The following ATG13 variants were observed in gnomAD, a reference collection of about 807,000 sequenced individuals.
ATG13 encodes the protein autophagy related 13.
ATG13 carries 23 observed loss-of-function variants against 65.5 expected under a neutral mutation model. The observed-to-expected ratio is 0.35, with a 90% CI of 0.25 to 0.50. The LOEUF (loss-of-function observed/expected upper bound fraction) is 0.50, where lower values mean the gene tolerates loss of function less well. Ranked by LOEUF, ATG13 falls within the 20% of genes least tolerant of loss-of-function variation. ATG13 has a pLI of 0.98. For missense variants in ATG13, 566 were observed against 677.0 expected (o/e 0.84, Z 1.82); for synonymous variants, 252 against 245.2 (o/e 1.03, Z -0.26).
rs374790345 is a variant in ATG13 at position 46,669,504 on chromosome 11, T to A, written c.1547T>A (p.Ile516Asn). Residue 516 changes from isoleucine to asparagine, a missense_variant, in exon 18 of 19, where the codon ATT (isoleucine) becomes AAT (asparagine). Physicochemically the swap from Ile to Asn is moderately radical, Grantham distance 149. This residue lies in a region of ATG13 where 387 missense variants were observed against 409.8 expected (regional missense o/e 0.94). Coordinates refer to ENST00000683050, the MANE Select transcript of ATG13 (RefSeq NM_001346311.2). Reference protein sequence around the residue: ...PPQLSSLSIDIGAQSMAEDLD... With the variant: ...PPQLSSLSIDNGAQSMAEDLD... ...CAGCTGAGCAGCCTCTCCATAGATA[T>A]TGGAGCACAGTCCATGGCTGAAGAC... 6.2e-7 allele frequency: 1 copy of A among 1,613,970 alleles called. No homozygotes were observed. Among genetic ancestry groups the A allele is most frequent in the Non-Finnish European group, 8.5e-7 (1 of 1,179,976 alleles).
At position 46,673,891 on chromosome 11, in the gene ATG13, T is replaced by G. The variant is rs1380904392; in HGVS notation, c.*1559T>G. The G allele has an allele frequency of 6.6e-6, 1 of 152,182 alleles. No homozygotes were observed. The allele number at this position is 152,182 out of a possible 1,614,324, so 9.4% of individuals were successfully genotyped here. ...CTCAGCTGCTTGTTAGTATACTGCATGTGACACTGTTCCCACATACAAGGC... is the reference window on the plus strand; with the variant it reads ...CTCAGCTGCTTGTTAGTATACTGCAGGTGACACTGTTCCCACATACAAGGC... On this transcript the variant is annotated 3_prime_UTR_variant, in exon 19 of 19. Transcript: ENST00000683050.
rs1565397622 is a variant in ATG13, at chr11:46,622,096, TA to T, written c.-70+4207del. ...ATTTACATATATATATATATATATATATATATATATATATATATATATATAT... is the reference window on the plus strand; with the variant it reads ...ATTTACATATATATATATATATATATTATATATATATATATATATATATAT... On this transcript the variant is annotated intron_variant, in intron 1 of 18. Coordinates refer to ENST00000683050, the MANE Select transcript of ATG13 (RefSeq NM_001346311.2). Among the ~76,000 whole-genome samples, 7 of 58,932 alleles carry T rather than the reference TA, an allele frequency of 1.2e-4. 1 individual carries two copies. The highest frequency in any genetic ancestry group is 6.2e-4 in the African/African-American group (7 of 11,362). The allele number at this position is 58,932 out of a possible 152,430, so 38.7% of individuals were successfully genotyped here.
chr11:46,621,677 C>G (rs1419605004), intron 1 of ATG13, among the ~76,000 whole-genome samples: 1 of 152,116 alleles, frequency 6.6e-6, no homozygotes, highest in African/African-American at 2.4e-5. Context: ...TGGCAAACCT[C>G]TTTGTGGCTT....
intron 1 of ATG13, among the ~76,000 whole-genome samples, chr11:46,627,249 G>T (rs1301089153): frequency 6.6e-6 from 1 of 152,022 alleles, no homozygotes; most frequent in Non-Finnish European, 1.5e-5. Flanking sequence ...CATGATGGCA[G>T]GTGCCTGTAA....
At position 46,650,259 on chromosome 11, in the gene ATG13, G is replaced by T; in HGVS notation, c.400G>T (p.Val134Leu). 2 of 1,614,030 alleles carry T rather than the reference G, an allele frequency of 1.2e-6. No individual in the cohort carries two copies. The highest frequency in any genetic ancestry group is 1.7e-6 in the Non-Finnish European group (2 of 1,180,000). ...LLKSLLAITR[V>L]TPAYRLSRKQ... ...GAAGTCCCTTCTTGCTATAACTAGG[G>T]TGACACCAGCCTATAGGCTCTCCAG... Residue 134 changes from valine (V) to leucine (L), a missense_variant, in exon 7 of 19, where the codon GTG (valine) becomes TTG (leucine). Val to Leu is a conservative substitution (Grantham distance 32, BLOSUM62 1). Coordinates refer to ENST00000683050, the MANE Select transcript of ATG13 (RefSeq NM_001346311.2).
At chr11:46,629,392 T>C (rs1226626723) in intron 1 of ATG13, among the ~76,000 whole-genome samples, 1 of 152,196 alleles carries the variant, frequency 6.6e-6, no homozygotes, top group African/African-American at 2.4e-5. Flanking sequence ...AGGAGGTTTT[T>C]GTTTTTGTTT....
At chr11:46,620,026 CAA>C (rs760281512) in intron 1 of ATG13, among the ~76,000 whole-genome samples, 205 of 100,930 alleles carry the variant, frequency 2.0e-3, no homozygotes, top group African/African-American at 4.3e-3. Flanking sequence ...CCCTCTGTCT[CAA>C]AAAAAAAAAA....
At chr11:46,669,290 C>T in intron 17 of ATG13, 114 bp from the exon 18 acceptor site, 1 of 1,326,042 alleles carries the variant, frequency 7.5e-7, no homozygotes, top group Admixed American at 2.0e-5. Context: ...GATTTCTCTC[C>T]CTAAGATAAG....
chr11:46,658,533 C>A lies in ATG13; in HGVS notation c.696-859C>A, dbSNP rs181950009. On this transcript the variant is annotated intron_variant, in intron 10 of 18. Transcript: ENST00000683050. ...CAATGTGGTGAAACACTGTTTCTAC[C>A]AATTTTTTTTTTTTTTTTTGAGACG... 4.2e-3 allele frequency among the ~76,000 whole-genome samples: 639 copies of A among 151,276 alleles called. 4 individuals are homozygous for A. The highest frequency in any genetic ancestry group is 0.013 in the African/African-American group (530 of 41,258).
chr11:46,672,820 C>G lies in ATG13; in HGVS notation c.*488C>G, dbSNP rs1048782201. ...GGAAGAAGGAAGGAGTCCCTTAGCTCTCTTCATTGTCCCCTTTACTTCCTG... is the reference window on the plus strand; with the variant it reads ...GGAAGAAGGAAGGAGTCCCTTAGCTGTCTTCATTGTCCCCTTTACTTCCTG... On this transcript the variant is annotated 3_prime_UTR_variant, in exon 19 of 19. Transcript: ENST00000683050. The G allele has an allele frequency of 1.6e-6, 2 of 1,284,140 alleles. No homozygotes were observed. Among genetic ancestry groups the G allele is most frequent in the African/African-American group, 1.5e-5 (1 of 66,120 alleles). The allele number at this position is 1,284,140 out of a possible 1,614,324, so 79.5% of individuals were successfully genotyped here.
intron 18 of ATG13, among the ~76,000 whole-genome samples, chr11:46,670,887 C>G (rs76745197): frequency 0.019 from 2,842 of 152,214 alleles, 96 homozygotes; most frequent in African/African-American, 0.065. Flanking sequence ...TTACATGAAT[C>G]TTCAACAGCC....
At chr11:46,622,583 C>T (rs1453453739) in intron 1 of ATG13, among the ~76,000 whole-genome samples, 1 of 152,142 alleles carries the variant, frequency 6.6e-6, no homozygotes, top group Admixed American at 6.6e-5. Context: ...AGTCCATTTT[C>T]TCTGTACATT....
chr11:46,671,790 C>CT (rs2063791122), intron 18 of ATG13, among the ~76,000 whole-genome samples: 1 of 152,190 alleles, frequency 6.6e-6, no homozygotes, highest in African/African-American at 2.4e-5. Context: ...CACAGACCTG[C>CT]TACTGTGTCA....
In ATG13 at chr11:46,664,883, C is replaced by T; in HGVS notation, c.923C>T (p.Ala308Val). 6.2e-7 allele frequency: 1 copy of T among 1,614,024 alleles called. No homozygotes were observed. The highest frequency in any genetic ancestry group is 8.5e-7 in the Non-Finnish European group (1 of 1,179,880). ...TCTCGCCTTTCCTATCAGCCTGCTG[C>T]CCTGGGCGTTGGATCAGCTGACCTG... The part of the protein sequence containing the change: ...SSSRLSYQPA[A>V]LGVGSADLAY... The change falls in exon 13 of 19, where the codon GCC (alanine) becomes GTC (valine). Residue 308 changes from alanine to valine, a missense_variant. Physicochemically the swap from Ala to Val is moderately conservative, Grantham distance 64. Coordinates refer to ENST00000683050, the MANE Select transcript of ATG13 (RefSeq NM_001346311.2).
chr11:46,635,118 G>A (rs1460394174), intron 2 of ATG13, among the ~76,000 whole-genome samples: 1 of 149,920 alleles, frequency 6.7e-6, no homozygotes, highest in Non-Finnish European at 1.5e-5. Flanking sequence ...AGCGATTCTC[G>A]TGCCTCAGCC....
chr11:46,657,197 G>T lies in ATG13; in HGVS notation c.596+6G>T. On this transcript the variant is annotated splice_donor_region_variant and intron_variant, in intron 9 of 18. Coordinates refer to ENST00000683050, the MANE Select transcript of ATG13 (RefSeq NM_001346311.2). ...TTGGCATTCATGTCTACCAGGTGAG[G>T]AAGAGCCCTGGAATCCAAAAGAACT... 1.2e-6 allele frequency: 2 copies of T among 1,607,820 alleles called. No homozygotes were observed. Among genetic ancestry groups the T allele is most frequent in the Non-Finnish European group, 1.7e-6 (2 of 1,174,638 alleles).
rs2063019576 is a variant in ATG13, at chr11:46,668,815, G to A, written c.1351G>A (p.Glu451Lys). 1 of 1,613,592 alleles carries A rather than the reference G, an allele frequency of 6.2e-7. No individual in the cohort carries two copies. The highest frequency in any genetic ancestry group is 1.7e-5 in the Admixed American group (1 of 60,002). Reference sequence around the variant, plus strand: ...ACAGGTGAATCCTCCAGATTCCCCAGAGACTGAATCTCCTCTCCAGGGCAG... The same window carrying A: ...ACAGGTGAATCCTCCAGATTCCCCAAAGACTGAATCTCCTCTCCAGGGCAG... The part of the protein sequence containing the change: ...DPMVNPPDSP[E>K]TESPLQGSLH... The change falls in exon 17 of 19, where the codon GAG becomes AAG. Residue 451 changes from glutamate (E) to lysine (K), a missense_variant. Coordinates refer to ENST00000683050, the MANE Select transcript of ATG13 (RefSeq NM_001346311.2).
chr11:46,659,362 A>G, intron 10 of ATG13, 30 bp from the exon 11 acceptor site: 1 of 1,565,636 alleles, frequency 6.4e-7, no homozygotes, highest in South Asian at 1.1e-5. Context: ...CACCACCATA[A>G]AATTCATTAT....
chr11:46,635,064 A>G (rs2053487530), intron 2 of ATG13, among the ~76,000 whole-genome samples: 1 of 149,180 alleles, frequency 6.7e-6, no homozygotes, highest in Admixed American at 6.7e-5. Context: ...CTGGAGTGCA[A>G]GGGTGCTGTC....
Sources: allele counts gnomAD v4.1 joint callset (sites outside exome capture counted in the v4.1 genomes callset), GRCh38; gene constraint gnomAD v4.1.1; regional missense constraint gnomAD v4.1.1; transcripts MANE v1.5; gene names NCBI Gene and HGNC (gene_info 2026-07-23, HGNC 2026-07-21).